The following GOLPH3L variants were observed in gnomAD, a reference collection of about 807,000 sequenced individuals.
The protein encoded by GOLPH3L is Golgi phosphoprotein 3-like.
A neutral mutation model predicts 30.3 loss-of-function variants in GOLPH3L; 22 were observed. The ratio of observed to expected loss-of-function variants is 0.73; its 90% CI spans 0.52 to 1.04. The LOEUF is 1.04. Ranked by LOEUF, GOLPH3L falls within the 50% of genes least tolerant of loss-of-function variation. The pLI is 0.00. For missense variants in GOLPH3L, 303 were observed against 345.8 expected (o/e 0.88, Z 0.98); for synonymous variants, 120 against 128.2 (o/e 0.94, Z 0.43).
intron 2 of GOLPH3L, among the ~76,000 whole-genome samples, chr1:150,688,673 T>C (rs1651145340): frequency 6.6e-6 from 1 of 152,032 alleles, no homozygotes; most frequent in Admixed American, 6.6e-5. Flanking sequence ...ATCGCTTGAA[T>C]CCGGGAGGTG....
At chr1:150,692,582 G>C (rs1651238329) in intron 2 of GOLPH3L, among the ~76,000 whole-genome samples, 1 of 152,000 alleles carries the variant, frequency 6.6e-6, no homozygotes, top group South Asian at 2.1e-4. Flanking sequence ...TTGTAGAGAT[G>C]GTGTCTCACC....
chr1:150,693,251 T>C (rs1251920736), intron 2 of GOLPH3L, among the ~76,000 whole-genome samples: 1 of 152,014 alleles, frequency 6.6e-6, no homozygotes, highest in Non-Finnish European at 1.5e-5. Context: ...AAAAGGAAAA[T>C]AGTAAATAAA....
Position 150,648,313 on chromosome 1 carries a change from T to TTTTCCCTTTTAA in GOLPH3L, c.*7_*8insTTAAAAGGGAAA. The TTTTCCCTTTTAA allele has an allele frequency of 6.4e-7, 1 of 1,573,866 alleles. No individual in the cohort carries two copies. The highest frequency in any genetic ancestry group is 8.7e-7 in the Non-Finnish European group (1 of 1,156,050). ...AGCAGGGGAAAAGGAGAAATCCACC[T>TTTTCCCTTTTAA]GCCGGCTTTAAGATTTATTGAAGGC... is the stretch of plus-strand genomic sequence containing the variant. On this transcript the variant is annotated 3_prime_UTR_variant, in exon 5 of 5. Transcript: ENST00000271732.
intron 4 of GOLPH3L, among the ~76,000 whole-genome samples, chr1:150,661,132 G>A (rs1170969055): frequency 6.6e-6 from 1 of 152,162 alleles, no homozygotes; most frequent in African/African-American, 2.4e-5. Context: ...GGAGGCTGAG[G>A]CAGGAGAATT....
At chr1:150,662,003 A>G in intron 3 of GOLPH3L, 75 bp from the exon 4 acceptor site, 1 of 761,978 alleles carries the variant, frequency 1.3e-6, no homozygotes, top group Non-Finnish European at 2.4e-6. Context: ...TATATCATGT[A>G]TATGTTACTG....
chr1:150,654,144 A>G (rs976782105), intron 4 of GOLPH3L, among the ~76,000 whole-genome samples: 6 of 152,198 alleles, frequency 3.9e-5, no homozygotes, highest in South Asian at 2.1e-4. Context: ...GATAATATCA[A>G]TAAAGAGATA....
chr1:150,654,682 C>G (rs188543870), intron 4 of GOLPH3L, among the ~76,000 whole-genome samples: 149 of 152,294 alleles, frequency 9.8e-4, no homozygotes, highest in African/African-American at 3.6e-3. Context: ...CCCGTCTGGG[C>G]CTGTTCCAAA....
Position 150,692,777 on chromosome 1 carries a change from C to T in GOLPH3L, c.183+1879G>A, listed in dbSNP as rs181065446. Among the ~76,000 whole-genome samples the T allele has an allele frequency of 1.1e-3, 170 of 152,292 alleles. 2 individuals carry two copies. The South Asian group carries it at 0.023, about 21-fold the overall frequency. The stretch of plus-strand genomic sequence containing the variant: ...TTAATGAGCTGCTTTATTTTTTATT[C>T]TATTTCCTAAAATTTATATTAACCA... On this transcript the variant is annotated intron_variant, in intron 2 of 4. Coordinates refer to ENST00000271732, the MANE Select transcript of GOLPH3L (RefSeq NM_018178.6).
Position 150,689,779 on chromosome 1 carries a change from G to A in GOLPH3L, c.183+4877C>T, listed in dbSNP as rs1651167423. On this transcript the variant is annotated intron_variant, in intron 2 of 4. Transcript: ENST00000271732. ...CCCATCAGCATAGCTAGGATTACAG[G>A]TGCATGCCACCACACCCAGCTAATT... Among the ~76,000 whole-genome samples, 3 of 152,012 alleles carry A rather than the reference G, an allele frequency of 2.0e-5. No homozygotes were observed. The South Asian group carries it at 6.2e-4, about 32-fold the overall frequency.
At chr1:150,694,629 A>C (rs1651302176) in intron 2 of GOLPH3L, 27 bp downstream of exon 2, 1 of 1,414,776 alleles carries the variant, frequency 7.1e-7, no homozygotes. Context: ...AGTCTTTGAG[A>C]TAGCCTAGCA....
chr1:150,694,896 A>G (rs934407547), intron 1 of GOLPH3L, 46 bp from the exon 2 acceptor site: 15 of 986,190 alleles, frequency 1.5e-5, no homozygotes, highest in African/African-American at 3.2e-5. Flanking sequence ...TGCTTATGTA[A>G]ATAAATCATA....
chr1:150,648,818 G>A, intron 4 of GOLPH3L, 70 bp from the exon 5 acceptor site: 1 of 938,404 alleles, frequency 1.1e-6, no homozygotes. Context: ...TAGTTGTTTG[G>A]AAACTTGAAT....
chr1:150,651,283 A>G (rs1222111512), intron 4 of GOLPH3L, among the ~76,000 whole-genome samples: 1 of 152,172 alleles, frequency 6.6e-6, no homozygotes, highest in East Asian at 1.9e-4. Flanking sequence ...ACTGCACTCC[A>G]GCCTGGGCAA....
chr1:150,689,986 G>C (rs898119270), intron 2 of GOLPH3L, among the ~76,000 whole-genome samples: 1 of 150,860 alleles, frequency 6.6e-6, no homozygotes, highest in African/African-American at 2.4e-5. Flanking sequence ...CCCCTCAGAA[G>C]AATTTTTTTT....
At chr1:150,651,148 C>T (rs1009440532) in intron 4 of GOLPH3L, among the ~76,000 whole-genome samples, 1 of 152,144 alleles carries the variant, frequency 6.6e-6, no homozygotes, top group African/African-American at 2.4e-5. Flanking sequence ...GAAACGCCAT[C>T]TCTACTAAAA....
At chr1:150,658,964 T>C (rs1243557999) in intron 4 of GOLPH3L, among the ~76,000 whole-genome samples, 2 of 152,204 alleles carry the variant, frequency 1.3e-5, no homozygotes, top group East Asian at 3.8e-4. Flanking sequence ...AGAACAAATA[T>C]TTAAAGCATC....
intron 4 of GOLPH3L, among the ~76,000 whole-genome samples, chr1:150,651,406 T>C (rs1193090429): frequency 1.3e-5 from 2 of 151,818 alleles, no homozygotes; most frequent in African/African-American, 4.8e-5. Context: ...TCCCAGCACT[T>C]TGGGAGGCTG....
intron 2 of GOLPH3L, among the ~76,000 whole-genome samples, chr1:150,680,046 T>C (rs2101809134): frequency 6.6e-6 from 1 of 152,280 alleles, no homozygotes; most frequent in Admixed American, 6.5e-5. Context: ...ACAGAAATGA[T>C]TCCTTATTTA....
chr1:150,681,350 A>G (rs1157864908), intron 2 of GOLPH3L, among the ~76,000 whole-genome samples: 1 of 152,180 alleles, frequency 6.6e-6, no homozygotes, highest in Non-Finnish European at 1.5e-5. Context: ...AAAAAATTAG[A>G]AAATAAAAGA....
Sources: gnomAD v4.1 joint callset for allele counts (sites outside exome capture counted in the v4.1 genomes callset) on GRCh38, gnomAD v4.1.1 for gene constraint, MANE v1.5 for transcripts, NCBI Gene and HGNC (gene_info 2026-07-23, HGNC 2026-07-21) for gene names.